The following ETV5 variants were observed in gnomAD, a reference collection of about 807,000 sequenced individuals.
The protein encoded by ETV5 is ETS variant transcription factor 5, also known as ETS translocation variant 5.
Under a neutral mutation model 70.0 loss-of-function variants are expected in ETV5, and 10 were observed. The observed-to-expected ratio is 0.14, with a 90% CI of 0.09 to 0.24. ETV5 has a LOEUF of 0.24. Among genes scored for constraint, ETV5 ranks in the 10% least tolerant of loss-of-function variants. The pLI is 1.00. For synonymous variants in ETV5, 216 were observed against 242.2 expected (o/e 0.89, Z 1.01); for missense variants, 453 against 651.2 (o/e 0.70, Z 3.31).
chr3:186,071,769 G>C (rs1019238324), intron 7 of ETV5, among the ~76,000 whole-genome samples: 1 of 151,508 alleles, frequency 6.6e-6, no homozygotes, highest in Admixed American at 6.6e-5. Flanking sequence ...TCGGGAGTTT[G>C]AGACCAGCCT....
At chr3:186,072,760 A>C (rs1275232919) in intron 7 of ETV5, among the ~76,000 whole-genome samples, 1 of 152,258 alleles carries the variant, frequency 6.6e-6, no homozygotes, top group East Asian at 1.9e-4. Flanking sequence ...TCTCAAGATC[A>C]AATATGGGAG....
At position 186,047,157 on chromosome 3, in the gene ETV5, G is replaced by A. The variant is rs1300232614; in HGVS notation, c.*1482C>T. ...GGGAGCACAGAATTCTACCAGCAGA[G>A]CAGGCAGCAAGGTACCACCAGTAAC... On this transcript the variant is annotated 3_prime_UTR_variant, in exon 13 of 13. Coordinates refer to ENST00000306376, the MANE Select transcript of ETV5 (RefSeq NM_004454.3). The A allele has an allele frequency of 4.4e-6, 1 of 229,172 alleles. No individual in the cohort carries two copies. The highest frequency in any genetic ancestry group is 8.7e-6 in the Non-Finnish European group (1 of 115,284). 14.2% of individuals were successfully genotyped at this position (229,172 alleles called of 1,614,324 possible).
intron 12 of ETV5, among the ~76,000 whole-genome samples, chr3:186,051,239 G>A (rs898895114): frequency 2.0e-5 from 3 of 152,226 alleles, no homozygotes; most frequent in Non-Finnish European, 2.9e-5. Context: ...TTGTAGACAA[G>A]TTCTCAGCAG....
intron 5 of ETV5, among the ~76,000 whole-genome samples, chr3:186,085,242 G>T (rs1019639966): frequency 6.6e-6 from 1 of 152,026 alleles, no homozygotes; most frequent in African/African-American, 2.4e-5. Context: ...AGAGAAAAAA[G>T]ACCAATCAAA....
At chr3:186,096,564 G>T (rs767617512) in intron 5 of ETV5, among the ~76,000 whole-genome samples, 7 of 151,968 alleles carry the variant, frequency 4.6e-5, no homozygotes, top group Non-Finnish European at 1.0e-4. Context: ...AGGACAATCT[G>T]CCCAGGCCTG....
intron 5 of ETV5, among the ~76,000 whole-genome samples, chr3:186,091,396 G>T (rs1578557598): frequency 6.6e-6 from 1 of 152,298 alleles, no homozygotes; most frequent in East Asian, 1.9e-4. Flanking sequence ...CTGTCACCTT[G>T]GTGGTATATT....
chr3:186,082,231 A>G (rs1483088365), intron 5 of ETV5, among the ~76,000 whole-genome samples: 2 of 152,246 alleles, frequency 1.3e-5, no homozygotes, highest in African/African-American at 4.8e-5. Context: ...AAGGTGGGGA[A>G]GGAGAGCAAG....
At chr3:186,091,921 C>G (rs1464745629) in intron 5 of ETV5, among the ~76,000 whole-genome samples, 1 of 152,170 alleles carries the variant, frequency 6.6e-6, no homozygotes, top group African/African-American at 2.4e-5. Flanking sequence ...AGAGCCAAGT[C>G]TTGCCACAGT....
At position 186,064,211 on chromosome 3, in the gene ETV5, A is replaced by T. The variant is rs191988162; in HGVS notation, c.970+206T>A. ...GCGTGCAAAATAATTGAAGATTACA[A>T]TCAATCAGCTCTCATATTCATGAGC... On this transcript the variant is annotated intron_variant, in intron 9 of 12. Coordinates refer to ENST00000306376, the MANE Select transcript of ETV5 (RefSeq NM_004454.3). The T allele has an allele frequency of 1.2e-4, 70 of 594,478 alleles. No homozygotes were observed. The East Asian group carries it at 1.9e-3, about 16-fold the overall frequency. The allele number at this position is 594,478 out of a possible 1,614,324, so 36.8% of individuals were successfully genotyped here.
At chr3:186,093,821 G>C (rs1030688387) in intron 5 of ETV5, among the ~76,000 whole-genome samples, 2 of 152,184 alleles carry the variant, frequency 1.3e-5, no homozygotes, top group Admixed American at 1.3e-4. Flanking sequence ...ATGGGGTGGG[G>C]CAATAGCTTT....
intron 5 of ETV5, among the ~76,000 whole-genome samples, chr3:186,100,760 G>A (rs1470225740): frequency 6.6e-6 from 1 of 152,076 alleles, no homozygotes; most frequent in Non-Finnish European, 1.5e-5. Context: ...AATTCTCTAG[G>A]CTGTATTTGG....
chr3:186,102,252 T>C (rs1449044322), intron 5 of ETV5, among the ~76,000 whole-genome samples: 1 of 152,154 alleles, frequency 6.6e-6, no homozygotes, highest in Non-Finnish European at 1.5e-5. Context: ...CTTTCTTTCA[T>C]GTATACAATA....
chr3:186,070,231 C>T (rs761959427), intron 7 of ETV5, among the ~76,000 whole-genome samples: 7 of 152,244 alleles, frequency 4.6e-5, no homozygotes, highest in South Asian at 2.1e-4. Context: ...CCAGCACCTT[C>T]GAAGGTGACC....
intron 6 of ETV5, 133 bp from the exon 7 acceptor site, chr3:186,080,237 G>C (rs978687904): frequency 1.6e-6 from 1 of 619,514 alleles, no homozygotes; most frequent in Admixed American, 4.3e-5. Flanking sequence ...TAAATCGCTC[G>C]TAGCCCCGAG....
At position 186,052,358 on chromosome 3, in the gene ETV5, C is replaced by T. The variant is rs1713053284; in HGVS notation, c.1210-227G>A. On this transcript the variant is annotated intron_variant, in intron 11 of 12. Transcript: ENST00000306376. The surrounding 1 kb of genome is among the most constrained non-coding windows in gnomAD (Gnocchi z 4.5). Reference sequence around the variant, plus strand: ...AGACCTAGAGATGGAAGAATCCTAGCACTTTAAGATTGCAGAGGGCTTGGC... The same window carrying T: ...AGACCTAGAGATGGAAGAATCCTAGTACTTTAAGATTGCAGAGGGCTTGGC... Among the ~76,000 whole-genome samples the T allele has an allele frequency of 6.6e-6, 1 of 152,190 alleles. No homozygotes were observed. Among genetic ancestry groups the T allele is most frequent in the African/African-American group, 2.4e-5 (1 of 41,444 alleles).
chr3:186,082,852 T>A (rs1713964943), intron 5 of ETV5, among the ~76,000 whole-genome samples: 1 of 152,250 alleles, frequency 6.6e-6, no homozygotes, highest in South Asian at 2.1e-4. Context: ...CTATCACAGA[T>A]GACAAGGTTA....
At chr3:186,074,839 C>T (rs1267078789) in intron 7 of ETV5, among the ~76,000 whole-genome samples, 1 of 124,666 alleles carries the variant, frequency 8.0e-6, no homozygotes, top group South Asian at 2.5e-4. Context: ...CCAGCCTGGG[C>T]GACAGTTAGA....
At position 186,094,714 on chromosome 3, in the gene ETV5, C is replaced by T. The variant is rs73178155; in HGVS notation, c.232+10591G>A. On this transcript the variant is annotated intron_variant, in intron 5 of 12. Coordinates refer to ENST00000306376, the MANE Select transcript of ETV5 (RefSeq NM_004454.3). ...AGTAGGGCTCAAGTATTAGCACATA[C>T]GGGGCTCTTCCATTAAAAATATTTT... Among the ~76,000 whole-genome samples, 408 of 152,228 alleles carry T rather than the reference C, an allele frequency of 2.7e-3. 2 individuals carry two copies. The highest frequency in any genetic ancestry group is 4.0e-3 in the Non-Finnish European group (269 of 68,024).
intron 11 of ETV5, among the ~76,000 whole-genome samples, chr3:186,055,726 T>C (rs892413125): frequency 8.5e-5 from 13 of 152,344 alleles, no homozygotes; most frequent in African/African-American, 2.9e-4. Flanking sequence ...TTTAGACCAC[T>C]TTCTTGTTCC....
Sources: gnomAD v4.1 joint callset for allele counts (sites outside exome capture counted in the v4.1 genomes callset) on GRCh38, gnomAD v4.1.1 for gene constraint, Gnocchi (gnomAD v3.1) non-coding constraint, MANE v1.5 for transcripts, NCBI Gene and HGNC (gene_info 2026-07-23, HGNC 2026-07-21) for gene names.